The following RUFY1 variants were observed in gnomAD, a reference collection of about 807,000 sequenced individuals.
RUFY1 encodes the protein RUN and FYVE domain containing 1.
In RUFY1, 54 loss-of-function variants were observed where a neutral mutation model predicts 94.6. That is an observed-to-expected ratio of 0.57 (90% CI 0.46 to 0.72). RUFY1 has a LOEUF of 0.72. Among genes scored for constraint, RUFY1 ranks in the 30% least tolerant of loss-of-function variants. RUFY1 has a pLI of 0.00. For missense variants in RUFY1, 883 were observed against 883.9 expected, an observed-to-expected ratio of 1.00 and a Z score of 0.01; for synonymous variants, 396 against 347.3, an observed-to-expected ratio of 1.14 and a Z score of -1.56.
At chr5:179,597,283 T>C (rs1765753562) in intron 13 of RUFY1, among the ~76,000 whole-genome samples, 1 of 152,196 alleles carries the variant, frequency 6.6e-6, no homozygotes, top group Admixed American at 6.5e-5. Context: ...TTGCCCAGGC[T>C]GGAGTGCGGT....
chr5:179,596,453 G>C, intron 12 of RUFY1, 109 bp from the exon 13 acceptor site: 2 of 1,373,620 alleles, frequency 1.5e-6, no homozygotes, highest in Non-Finnish European at 1.0e-6. Flanking sequence ...AAACTCACAA[G>C]AGTTAATTTT....
At chr5:179,554,938 A>G (rs1294744410) in intron 1 of RUFY1, among the ~76,000 whole-genome samples, 2 of 152,070 alleles carry the variant, frequency 1.3e-5, no homozygotes, top group Non-Finnish European at 2.9e-5. Flanking sequence ...ACTGCACTCC[A>G]GCCTGGGTGA....
chr5:179,561,360 G>T (rs942726945), intron 2 of RUFY1, among the ~76,000 whole-genome samples: 14 of 152,106 alleles, frequency 9.2e-5, no homozygotes, highest in Admixed American at 3.3e-4. Context: ...GAGGTCAGGG[G>T]AGTAGGGAGA....
At chr5:179,582,374 C>T (rs1764231094) in intron 7 of RUFY1, among the ~76,000 whole-genome samples, 1 of 152,036 alleles carries the variant, frequency 6.6e-6, no homozygotes, top group Admixed American at 6.6e-5. Context: ...TACAGGCATG[C>T]ACCACTACAC....
At chr5:179,563,530 A>G (rs1469443511) in intron 3 of RUFY1, among the ~76,000 whole-genome samples, 1 of 152,118 alleles carries the variant, frequency 6.6e-6, no homozygotes, top group Non-Finnish European at 1.5e-5. Context: ...AAGCCCTCCA[A>G]ATCCCATGAA....
At chr5:179,602,966 C>G (rs1414896140) in intron 15 of RUFY1, among the ~76,000 whole-genome samples, 1 of 152,196 alleles carries the variant, frequency 6.6e-6, no homozygotes, top group African/African-American at 2.4e-5. Context: ...TTTGTAGAGT[C>G]TAGTACTATT....
At chr5:179,599,587 G>A (rs536935155) in intron 14 of RUFY1, 3 of 152,514 alleles carry the variant, frequency 2.0e-5, no homozygotes, top group South Asian at 2.1e-4. Context: ...CTGTCTGGCT[G>A]TGGAACTGGA....
chr5:179,600,743 C>T (rs941038084), intron 14 of RUFY1, among the ~76,000 whole-genome samples: 43 of 112,310 alleles, frequency 3.8e-4, no homozygotes, highest in African/African-American at 1.5e-3. Flanking sequence ...GTTGCCCAGG[C>T]TGGAGTGCAG....
Position 179,569,288 on chromosome 5 carries a change from T to A in RUFY1, c.705-14T>A, listed in dbSNP as rs770530635. 1.1e-5 allele frequency: 17 copies of A among 1,613,656 alleles called. No homozygotes were observed. Among genetic ancestry groups the A allele is most frequent in the Non-Finnish European group, 1.4e-5 (17 of 1,179,916 alleles). On this transcript the variant is annotated splice_polypyrimidine_tract_variant and intron_variant, in intron 4 of 17. Coordinates refer to ENST00000319449, the MANE Select transcript of RUFY1 (RefSeq NM_025158.5). ...TGTTTCTGAGCATCGCCCTGTCCTG[T>A]CCATCTCTTTCAGCGAGTTCTATGA...
chr5:179,551,937 G>A (rs1761875856), intron 1 of RUFY1, among the ~76,000 whole-genome samples: 1 of 151,612 alleles, frequency 6.6e-6, no homozygotes, highest in Non-Finnish European at 1.5e-5. Flanking sequence ...AGGCCGAAGC[G>A]GGTGGATCAC....
chr5:179,605,833 ACTCT>A (rs765166105), intron 15 of RUFY1, 39 bp from the exon 16 acceptor site: 24 of 1,159,710 alleles, frequency 2.1e-5, no homozygotes, highest in East Asian at 9.3e-5. Flanking sequence ...TCAGAGCCTC[ACTCT>A]CTCTCACTGC....
At chr5:179,570,484 C>G (rs1258896314) in intron 5 of RUFY1, among the ~76,000 whole-genome samples, 2 of 152,068 alleles carry the variant, frequency 1.3e-5, no homozygotes, top group Non-Finnish European at 2.9e-5. Flanking sequence ...GAAGGACAGC[C>G]CTCTTGGGAT....
At chr5:179,559,509 T>C (rs1264549548) in intron 1 of RUFY1, among the ~76,000 whole-genome samples, 3 of 152,184 alleles carry the variant, frequency 2.0e-5, no homozygotes, top group Non-Finnish European at 4.4e-5. Context: ...AAAAGCCTTC[T>C]GGGCGGGGTG....
At chr5:179,559,805 G>C in intron 1 of RUFY1, 1 of 1,302,294 alleles carries the variant, frequency 7.7e-7, no homozygotes, top group South Asian at 2.1e-5. Context: ...GAGGCCCAGT[G>C]GCTCTTCTGA....
intron 1 of RUFY1, among the ~76,000 whole-genome samples, chr5:179,552,182 A>AAAAAAAAAAC (rs1278491799): frequency 7.3e-5 from 11 of 149,954 alleles, no homozygotes; most frequent in African/African-American, 2.7e-4. Flanking sequence ...AAAAAAAAAA[A>AAAAAAAAAAC]AAAAACTTGT....
chr5:179,556,077 T>C lies in RUFY1; in HGVS notation c.311-3948T>C, dbSNP rs572340447. On this transcript the variant is annotated intron_variant, in intron 1 of 17. Transcript: ENST00000319449. The stretch of plus-strand genomic sequence containing the variant: ...GCTCAGAATTCATTTTCTGGCATAG[T>C]GTAAATATTGACTTTTTAAAATAAA... Among the ~76,000 whole-genome samples, 3 of 152,300 alleles carry C rather than the reference T, an allele frequency of 2.0e-5. No individual in the cohort carries two copies. The South Asian group carries it at 6.2e-4, about 32-fold the overall frequency.
At chr5:179,574,726 A>G (rs1763492210) in intron 5 of RUFY1, among the ~76,000 whole-genome samples, 1 of 151,872 alleles carries the variant, frequency 6.6e-6, no homozygotes, top group Admixed American at 6.6e-5. Context: ...CACTGTTCTC[A>G]TTTATAATGT....
At chr5:179,598,540 T>G (rs1581544636) in intron 13 of RUFY1, 152 bp from the exon 14 acceptor site, 1 of 820,300 alleles carries the variant, frequency 1.2e-6, no homozygotes. Context: ...GAAGGGCAGG[T>G]GACCCTGGAG....
chr5:179,580,442 C>G (rs1764060979), intron 6 of RUFY1, among the ~76,000 whole-genome samples: 1 of 151,640 alleles, frequency 6.6e-6, no homozygotes, highest in South Asian at 2.1e-4. Flanking sequence ...CGGGGTTTCA[C>G]CGTGTTAGCC....
Sources: allele counts gnomAD v4.1 joint callset (sites outside exome capture counted in the v4.1 genomes callset), GRCh38; gene constraint gnomAD v4.1.1; transcripts MANE v1.5; gene names NCBI Gene and HGNC (gene_info 2026-07-23, HGNC 2026-07-21).